Variants in ZNF518A observed in about 807,000 individuals in gnomAD.
ZNF518A encodes the protein zinc finger protein 518A, also known as zinc finger protein 518.
Under a neutral mutation model 102.7 loss-of-function variants are expected in ZNF518A, and 47 were observed. The ratio of observed to expected loss-of-function variants is 0.46; its 90% confidence interval spans 0.36 to 0.58. The LOEUF (loss-of-function observed/expected upper bound fraction) is 0.58, where lower values mean the gene tolerates loss of function less well. Among genes scored for constraint, ZNF518A ranks in the 20% least tolerant of loss-of-function variants. The probability of loss-of-function intolerance (pLI) is 0.00; values close to 1 mark genes in which losing one functional copy is unlikely to be tolerated. For synonymous variants in ZNF518A, 652 were observed against 594.6 expected (o/e 1.10, Z -1.40); for missense variants, 1,793 against 1,699.8 (o/e 1.05, Z -0.96).
intron 3 of ZNF518A, among the ~76,000 whole-genome samples, chr10:96,142,808 T>G (rs2082000095): frequency 6.6e-6 from 1 of 150,588 alleles, no homozygotes; most frequent in Admixed American, 6.6e-5. Context: ...GTGATTTCTT[T>G]TTTTTTTTTT....
At chr10:96,193,389 G>A (rs2083376558) in intron 1 of ZNF518A, among the ~76,000 whole-genome samples, 2 of 152,332 alleles carry the variant, frequency 1.3e-5, no homozygotes, top group Admixed American at 6.5e-5. Flanking sequence ...AACCTAGGAA[G>A]CATAGGAGAG....
At chr10:96,196,283 G>C (rs1311099219) in intron 1 of ZNF518A, among the ~76,000 whole-genome samples, 1 of 152,126 alleles carries the variant, frequency 6.6e-6, no homozygotes, top group Non-Finnish European at 1.5e-5. Context: ...GACCATTCAT[G>C]GGTTACTCCA....
intron 3 of ZNF518A, among the ~76,000 whole-genome samples, chr10:96,137,514 A>G (rs1207544263): frequency 1.3e-5 from 2 of 152,200 alleles, no homozygotes; most frequent in East Asian, 1.9e-4. Context: ...TGATCTTCAC[A>G]TTAAGTCTAG....
chr10:96,187,703 T>TTTTTCC (rs1310049651), intron 1 of ZNF518A, among the ~76,000 whole-genome samples: 1 of 152,234 alleles, frequency 6.6e-6, no homozygotes, highest in East Asian at 1.9e-4. Context: ...GGGTGTGGTT[T>TTTTTCC]TTTTCCTTCT....
chr10:96,156,757 C>T lies in ZNF518A; in HGVS notation c.435C>T (p.Gly145=), dbSNP rs782190731. Reference sequence around the variant, plus strand: ...AACACTTTCAAATGTGGCACCATGGCGAATTACCTTCATATCCTTGTGAAA... The same window carrying T: ...AACACTTTCAAATGTGGCACCATGGTGAATTACCTTCATATCCTTGTGAAA... The part of the protein sequence containing the change: ...LQKHFQMWHH[G]ELPSYPCEMC... Residue 145 remains glycine, a synonymous_variant, in exon 6 of 6, where the codon GGC becomes GGT. Transcript: ENST00000316045. The T allele has an allele frequency of 1.5e-5, 25 of 1,613,852 alleles. No individual in the cohort carries two copies. In the African/African-American group the frequency reaches 1.6e-4, roughly 10 times the overall value.
In ZNF518A at chr10:96,162,381, A is replaced by C. The variant is rs973865513; in HGVS notation, c.*1607A>C. 1.8e-5 allele frequency: 3 copies of C among 167,074 alleles called. No individual in the cohort carries two copies. Among genetic ancestry groups the C allele is most frequent in the Admixed American group, 6.5e-5 (1 of 15,298 alleles). The allele number at this position is 167,074 out of a possible 1,614,324, so 10.3% of individuals were successfully genotyped here. ...TCTTCAGGGATTGAACACTATTGTT[A>C]GCAAGTGCCTAAAAAAGATGTGAAA... On this transcript the variant is annotated 3_prime_UTR_variant, in exon 6 of 6. Transcript: ENST00000316045.
In ZNF518A at chr10:96,159,713, A is replaced by G. The variant is rs2082904642; in HGVS notation, c.3391A>G (p.Ile1131Val). The stretch of plus-strand genomic sequence containing the variant: ...AGTCCAAAATAGTACTTATCAAAAT[A>G]TACAGCCAAAGAAACCTGAAGGAAC... The part of the protein sequence containing the change: ...KLVQNSTYQN[I>V]QPKKPEGTPQ... Residue 1131 changes from isoleucine (I) to valine (V), a missense_variant, in exon 6 of 6, where the codon ATA (isoleucine) becomes GTA (valine). By Grantham distance (29) the Ile-to-Val change is conservative. Around this residue, in one of 3 missense-constraint regions of ZNF518A, gnomAD observed 1,741 missense variants for 1,622.6 expected, o/e 1.07. Transcript: ENST00000316045. 1 of 1,613,290 alleles carries G rather than the reference A, an allele frequency of 6.2e-7. No individual in the cohort carries two copies. Among genetic ancestry groups the G allele is most frequent in the East Asian group, 2.2e-5 (1 of 44,888 alleles).
chr10:96,166,777 A>G (rs2083144029), downstream of ZNF518A, among the ~76,000 whole-genome samples: 2 of 152,224 alleles, frequency 1.3e-5, no homozygotes, highest in South Asian at 2.1e-4. Flanking sequence ...AAAAAGAAAG[A>G]AAGGATCAGG....
At chr10:96,204,849 TTC>T (rs1242890830), downstream of ZNF518A, 1 of 487,034 alleles carries the variant, frequency 2.1e-6, no homozygotes, top group East Asian at 4.1e-5. Context: ...CACCTCTGCA[TTC>T]ATCCACTGGC....
intron 3 of ZNF518A, among the ~76,000 whole-genome samples, chr10:96,138,937 ATTTTTT>A (rs782442450): frequency 3.6e-4 from 49 of 136,034 alleles, no homozygotes; most frequent in African/African-American, 1.3e-3. Flanking sequence ...AAAGTGGCGA[ATTTTTT>A]TTTTTTTTTT....
chr10:96,132,139 TTTTA>T (rs1378247896), intron 1 of ZNF518A, among the ~76,000 whole-genome samples: 1 of 151,852 alleles, frequency 6.6e-6, no homozygotes, highest in Non-Finnish European at 1.5e-5. Flanking sequence ...GTCTTGAAAT[TTTTA>T]TTTATTATCT....
At chr10:96,138,885 C>T (rs1350196566) in intron 3 of ZNF518A, among the ~76,000 whole-genome samples, 2 of 150,124 alleles carry the variant, frequency 1.3e-5, no homozygotes, top group African/African-American at 4.9e-5. Flanking sequence ...TAAAATATTG[C>T]CAGAGATATT....
At chr10:96,171,258 C>T (rs1554890873) in intron 1 of ZNF518A, among the ~76,000 whole-genome samples, 1 of 152,160 alleles carries the variant, frequency 6.6e-6, no homozygotes, top group African/African-American at 2.4e-5. Context: ...CAGTATTATT[C>T]ATAGTGGCCT....
Position 96,157,048 on chromosome 10 carries a change from A to G in ZNF518A, c.726A>G (p.Val242=). Residue 242 remains valine (V), a synonymous_variant, in exon 6 of 6, where the codon GTA becomes GTG. Transcript: ENST00000316045. ...IHYKCGKCHH[V]CFTKGELQKH... Reference sequence around the variant, plus strand: ...ATAAGTGTGGTAAATGTCATCATGTATGTTTTACCAAAGGAGAGCTTCAGA... The same window carrying G: ...ATAAGTGTGGTAAATGTCATCATGTGTGTTTTACCAAAGGAGAGCTTCAGA... The G allele has an allele frequency of 6.2e-7, 1 of 1,613,722 alleles. No individual in the cohort carries two copies. Among genetic ancestry groups the G allele is most frequent in the Non-Finnish European group, 8.5e-7 (1 of 1,179,732 alleles).
intron 1 of ZNF518A, among the ~76,000 whole-genome samples, chr10:96,179,673 A>G (rs144822823): frequency 9.5e-4 from 144 of 152,308 alleles, no homozygotes; most frequent in Non-Finnish European, 1.5e-3. Context: ...AAACCCTAAC[A>G]TACATACTGA....
chr10:96,129,721 C>G (rs1554870412), upstream of ZNF518A: 1 of 152,256 alleles, frequency 6.6e-6, no homozygotes, highest in Non-Finnish European at 1.5e-5. Flanking sequence ...GGGTGGAGAC[C>G]ATTCCCAGTC....
At chr10:96,134,776 A>G (rs2081517374) in intron 3 of ZNF518A, among the ~76,000 whole-genome samples, 1 of 152,232 alleles carries the variant, frequency 6.6e-6, no homozygotes, top group Non-Finnish European at 1.5e-5. Context: ...GAATATTAGA[A>G]TGAAGGTACA....
intron 1 of ZNF518A, among the ~76,000 whole-genome samples, chr10:96,181,422 T>C (rs1384480593): frequency 3.9e-5 from 6 of 152,174 alleles, no homozygotes; most frequent in African/African-American, 4.8e-5. Context: ...TCCTTGCCCA[T>C]GCCTATGTCC....
intron 3 of ZNF518A, among the ~76,000 whole-genome samples, chr10:96,135,957 T>C (rs1176230517): frequency 3.3e-5 from 5 of 152,292 alleles, no homozygotes; most frequent in Admixed American, 3.3e-4. Context: ...GTGGCTTTGA[T>C]AGGCACAGAG....
Sources: gnomAD v4.1 joint callset for allele counts (sites outside exome capture counted in the v4.1 genomes callset) on GRCh38, gnomAD v4.1.1 for gene constraint, gnomAD v4.1.1 regional missense constraint, MANE v1.5 for transcripts, NCBI Gene and HGNC (gene_info 2026-07-23, HGNC 2026-07-21) for gene names.